PNKP: variants seen among roughly 807,000 people sequenced by gnomAD.
PNKP encodes the protein bifunctional polynucleotide phosphatase/kinase.
In PNKP, 82 loss-of-function variants were observed where a neutral mutation model predicts 66.2. That is an observed-to-expected ratio of 1.24 (90% confidence interval 1.04 to 1.49). PNKP has a LOEUF of 1.49. PNKP is among the 40% of genes most tolerant of loss of function. The pLI, the probability that PNKP is intolerant of heterozygous loss-of-function variation, is 0.00. For missense variants in PNKP, 907 were observed against 706.8 expected, an observed-to-expected ratio of 1.28 and a Z score of -3.21; for synonymous variants, 412 against 298.9, an observed-to-expected ratio of 1.38 and a Z score of -3.90.
Position 49,862,417 on chromosome 19 carries a change from A to C in PNKP, c.983T>G (p.Phe328Cys). ...GLPFATPEEF[F>C]LKWPAAGFEL... ...GAAGCCGGCTGCTGGCCACTTGAGA[A>C]AGAACTCCTCAGGCGTGGCGAAGGG... The change falls in exon 11 of 17, where the codon TTT (phenylalanine) becomes TGT (cysteine). Residue 328 changes from phenylalanine (F) to cysteine (C), a missense_variant. Phe to Cys is a radical substitution (Grantham distance 205). Transcript: ENST00000322344. 6.3e-7 allele frequency: 1 copy of C among 1,575,094 alleles called. No homozygotes were observed. The highest frequency in any genetic ancestry group is 8.6e-7 in the Non-Finnish European group (1 of 1,160,076).
In PNKP at chr19:49,865,109, C is replaced by A. The variant is rs2074808374; in HGVS notation, c.498+18G>T. On this transcript the variant is annotated intron_variant, in intron 4 of 16. Coordinates refer to ENST00000322344, the MANE Select transcript of PNKP (RefSeq NM_007254.4). ...CCCAGTCTGTGGCGGCTCCCTCAGC[C>A]CTCGGCGTGGCCCTCACCTTGCCCT... 6.2e-7 allele frequency: 1 copy of A among 1,610,656 alleles called. No homozygotes were observed. Among genetic ancestry groups the A allele is most frequent in the Non-Finnish European group, 8.5e-7 (1 of 1,178,144 alleles).
chr19:49,864,523 G>GT, intron 4 of PNKP, 120 bp from the exon 5 acceptor site: 1 of 798,436 alleles, frequency 1.3e-6, no homozygotes, highest in Non-Finnish European at 2.2e-6. Context: ...TCACAGATGG[G>GT]GAAACCGAGT....
chr19:49,861,717 GTGCAGGCCC>G (rs1568658813), intron 14 of PNKP, 22 bp from the exon 15 acceptor site: 2 of 1,548,788 alleles, frequency 1.3e-6, no homozygotes, highest in Admixed American at 2.0e-5. Context: ...GGAGCTGGAT[GTGCAGGCCC>G]CGCCCACCCC....
Position 49,862,253 on chromosome 19 carries a change from C to T in PNKP, c.1058G>A (p.Cys353Tyr), listed in dbSNP as rs753353170. The change falls in exon 12 of 17, where the codon TGC becomes TAC. Residue 353 changes from cysteine (C) to tyrosine (Y), a missense_variant. By Grantham distance (194) the Cys-to-Tyr change is radical (BLOSUM62 -2). Transcript: ENST00000322344. ...CAGGAGGGCCCTGGACTCGGGGAGG[C>T]AGAGAGGCCCTGAGCGGGAGACAGT... ...PRTVSRSGPL[C>Y]LPESRALLSA... The T allele has an allele frequency of 5.0e-6, 8 of 1,608,224 alleles. No individual in the cohort carries two copies. Among genetic ancestry groups the T allele is most frequent in the Non-Finnish European group, 5.9e-6 (7 of 1,177,516 alleles).
chr19:49,863,916 T>C, intron 7 of PNKP, 48 bp downstream of exon 7: 1 of 1,503,216 alleles, frequency 6.7e-7, no homozygotes, highest in South Asian at 1.1e-5. Flanking sequence ...GCCCTCGCTC[T>C]GGATCTCTGT....
Position 49,865,257 on chromosome 19 carries a change from G to T in PNKP, c.368C>A (p.Pro123His), listed in dbSNP as rs1246883829. The T allele has an allele frequency of 6.2e-7, 1 of 1,614,228 alleles. No homozygotes were observed. The highest frequency in any genetic ancestry group is 1.7e-5 in the Admixed American group (1 of 60,028). ...ESQPDTPPGT[P>H]LVSQDEKRDA... is the part of the protein sequence containing the mutation. The stretch of plus-strand genomic sequence containing the variant: ...TCTCTTCTCATCTTGGGACACCAGA[G>T]GGGTGCCAGGCGGAGTATCTGGCTG... Residue 123 changes from proline (P) to histidine (H), a missense_variant, in exon 4 of 17, where the codon CCT becomes CAT. Coordinates refer to ENST00000322344, the MANE Select transcript of PNKP (RefSeq NM_007254.4).
Position 49,861,486 on chromosome 19 carries a change from G to A in PNKP, c.1411C>T (p.His471Tyr). 1.2e-6 allele frequency: 2 copies of A among 1,603,584 alleles called. No homozygotes were observed. The highest frequency in any genetic ancestry group is 1.1e-5 in the South Asian group (1 of 90,848). The change falls in exon 16 of 17, where the codon CAT becomes TAT. Residue 471 changes from histidine (H) to tyrosine (Y), a missense_variant. His to Tyr is a moderately conservative substitution (Grantham distance 83, BLOSUM62 2). Transcript: ENST00000322344. ...NRFREMTDSSHIPVSDMVMYG... is the reference protein window; with the variant it reads ...NRFREMTDSSYIPVSDMVMYG... Reference sequence around the variant, plus strand: ...ATGACCATGTCTGACACGGGGATATGAGAGGAGTCCGTCATCTCTCGAAAC... The same window carrying A: ...ATGACCATGTCTGACACGGGGATATAAGAGGAGTCCGTCATCTCTCGAAAC...
At position 49,862,598 on chromosome 19, in the gene PNKP, T is replaced by C. The variant is rs3739199; in HGVS notation, c.876A>G (p.Gly292=). Reference sequence around the variant, plus strand: ...GCCCCGGGGCCCAGTTGGCCGGGCGTCCGGCTGCGTCTGGAACACACGGGA... The same window carrying C: ...GCCCCGGGGCCCAGTTGGCCGGGCGCCCGGCTGCGTCTGGAACACACGGGA... The part of the protein sequence containing the change: ...GDSIFVGDAA[G]RPANWAPGRK... Residue 292 remains glycine, a synonymous_variant, in exon 10 of 17, where the codon GGA becomes GGG. Transcript: ENST00000322344. The C allele has an allele frequency of 2.4e-4, 380 of 1,613,592 alleles. 1 individual carries two copies. The East Asian group carries it at 6.6e-3, about 28-fold the overall frequency.
In PNKP at chr19:49,865,241, A is replaced by G. The variant is rs760354021; in HGVS notation, c.384T>C (p.Asp128=). 2 of 1,613,066 alleles carry G rather than the reference A, an allele frequency of 1.2e-6. No homozygotes were observed. Among genetic ancestry groups the G allele is most frequent in the East Asian group, 4.5e-5 (2 of 44,868 alleles). Residue 128 remains aspartate (D), a synonymous_variant, in exon 4 of 17, where the codon GAT becomes GAC. Coordinates refer to ENST00000322344, the MANE Select transcript of PNKP (RefSeq NM_007254.4). ...TPPGTPLVSQ[D]EKRDAELPKK... The stretch of plus-strand genomic sequence containing the variant: ...TCGGCAGCTCAGCATCTCTCTTCTC[A>G]TCTTGGGACACCAGAGGGGTGCCAG...
Position 49,862,102 on chromosome 19 carries a change from C to A in PNKP, c.1130G>T (p.Gly377Val). 1 of 1,614,142 alleles carries A rather than the reference C, an allele frequency of 6.2e-7. No individual in the cohort carries two copies. The highest frequency in any genetic ancestry group is 8.5e-7 in the Non-Finnish European group (1 of 1,180,012). Residue 377 changes from glycine to valine, a missense_variant, in exon 13 of 17, where the codon GGG becomes GTG. Physicochemically the swap from Gly to Val is moderately radical, Grantham distance 109. Coordinates refer to ENST00000322344, the MANE Select transcript of PNKP (RefSeq NM_007254.4). Reference sequence around the variant, plus strand: ...GTGCTTCTTGAGAAAGGTGGACTTCCCGGCTGTGTGGGGGGCAGTGTCGGT... The same window carrying A: ...GTGCTTCTTGAGAAAGGTGGACTTCACGGCTGTGTGGGGGGCAGTGTCGGT... ...VVVAVGFPGAGKSTFLKKHLV... is the reference protein window; with the variant it reads ...VVVAVGFPGAVKSTFLKKHLV...
chr19:49,863,418 T>C (rs573061923), intron 8 of PNKP, among the ~76,000 whole-genome samples: 1 of 152,346 alleles, frequency 6.6e-6, no homozygotes, highest in African/African-American at 2.4e-5. Context: ...CGCTCACTGA[T>C]ACCTTCAGCT....
At chr19:49,867,278 GCCT>G in intron 1 of PNKP, 61 bp from the exon 2 acceptor site, 1 of 1,481,890 alleles carries the variant, frequency 6.7e-7, no homozygotes, top group Non-Finnish European at 9.1e-7. Context: ...AGGAAGTCCC[GCCT>G]CCTCCCACAT....
rs767107348 is a variant in PNKP at position 49,861,795 on chromosome 19, G to A, written c.1275C>T (p.Asn425=). 3.2e-6 allele frequency: 5 copies of A among 1,571,146 alleles called. No homozygotes were observed. In the South Asian group the frequency reaches 3.5e-5, roughly 11 times the overall value. ...QGKRVAIDNT[N]PDAASRARYV... Reference sequence around the variant, plus strand: ...ACCTGGCGCGGCTCGCGGCGTCTGGGTTTGTGTTGTCGATGGCGACCCGTT... The same window carrying A: ...ACCTGGCGCGGCTCGCGGCGTCTGGATTTGTGTTGTCGATGGCGACCCGTT... Residue 425 remains asparagine, a synonymous_variant, in exon 14 of 17, where the codon AAC becomes AAT. Coordinates refer to ENST00000322344, the MANE Select transcript of PNKP (RefSeq NM_007254.4).
chr19:49,863,184 CCCACAAGGG>C (rs2074792361), intron 8 of PNKP, among the ~76,000 whole-genome samples: 1 of 152,220 alleles, frequency 6.6e-6, no homozygotes, highest in Admixed American at 6.5e-5. Context: ...TGCTGTCACT[CCCACAAGGG>C]GGGGGACCGC....
Position 49,861,427 on chromosome 19 carries a change from C to T in PNKP, c.1448+22G>A, listed in dbSNP as rs781131061. ...CATGTGGCCCAGCCAGTGCCCCTGCCCCCTGCTATCCCCAACAGTACCTGT... is the reference window on the plus strand; with the variant it reads ...CATGTGGCCCAGCCAGTGCCCCTGCTCCCTGCTATCCCCAACAGTACCTGT... On this transcript the variant is annotated intron_variant, in intron 16 of 16. Coordinates refer to ENST00000322344, the MANE Select transcript of PNKP (RefSeq NM_007254.4). The T allele has an allele frequency of 4.3e-6, 7 of 1,613,988 alleles. No homozygotes were observed. The African/African-American group carries it at 8.0e-5, about 18-fold the overall frequency.
intron 3 of PNKP, chr19:49,866,056 A>G (rs569621095): frequency 1.1e-5 from 4 of 380,336 alleles, no homozygotes; most frequent in South Asian, 7.2e-5. Flanking sequence ...TCTGTCACCC[A>G]GGCTGAAGTA....
In PNKP at chr19:49,861,271, A is replaced by ACAGCCGCCCCAGCCT; in HGVS notation, c.1528_1542dup (p.Arg510_Leu514dup). On this transcript the variant is annotated inframe_insertion, in exon 17 of 17. Coordinates refer to ENST00000322344, the MANE Select transcript of PNKP (RefSeq NM_007254.4). ...GCTCAGCCCTCGGAGAACTGGCAGT[A>ACAGCCGCCCCAGCCT]CAGCCGCCCCAGCCTCGGCTCCACC... 6.2e-7 allele frequency: 1 copy of ACAGCCGCCCCAGCCT among 1,612,140 alleles called. No homozygotes were observed. The highest frequency in any genetic ancestry group is 8.5e-7 in the Non-Finnish European group (1 of 1,178,402).
In PNKP at chr19:49,861,290, C is replaced by T. The variant is rs752776104; in HGVS notation, c.1524G>A (p.Glu508=). 2 of 1,613,876 alleles carry T rather than the reference C, an allele frequency of 1.2e-6. No individual in the cohort carries two copies. Among genetic ancestry groups the T allele is most frequent in the Admixed American group, 1.7e-5 (1 of 60,010 alleles). Residue 508 remains glutamate, a synonymous_variant, in exon 17 of 17, where the codon GAG becomes GAA. Coordinates refer to ENST00000322344, the MANE Select transcript of PNKP (RefSeq NM_007254.4). ...GGCAGTACAGCCGCCCCAGCCTCGGCTCCACCCATAGCCGGAACGGGATCT... is the reference window on the plus strand; with the variant it reads ...GGCAGTACAGCCGCCCCAGCCTCGGTTCCACCCATAGCCGGAACGGGATCT... ...ILEIPFRLWV[E]PRLGRLYCQF...
At chr19:49,866,311 T>C in intron 3 of PNKP, 88 bp downstream of exon 3, 1 of 1,248,978 alleles carries the variant, frequency 8.0e-7, no homozygotes, top group Non-Finnish European at 1.2e-6. Flanking sequence ...CAATCAGATT[T>C]TCCTAATGTA....
Sources: gnomAD v4.1 joint callset for allele counts (sites outside exome capture counted in the v4.1 genomes callset) on GRCh38, gnomAD v4.1.1 for gene constraint, MANE v1.5 for transcripts, NCBI Gene and HGNC (gene_info 2026-07-23, HGNC 2026-07-21) for gene names.